The following UBAC2 variants were observed in gnomAD, a reference collection of about 807,000 sequenced individuals.
UBAC2 encodes the protein UBA domain containing 2.
A neutral mutation model predicts 44.0 loss-of-function variants in UBAC2; 26 were observed. The observed-to-expected ratio is 0.59, with a 90% CI of 0.43 to 0.82. The LOEUF is 0.82. Among genes scored for constraint, UBAC2 ranks in the 40% least tolerant of loss-of-function variants. The pLI is 0.00. For missense variants in UBAC2, 329 were observed against 419.4 expected (o/e 0.78, Z 1.88); for synonymous variants, 155 against 154.3 (o/e 1.00, Z -0.04).
At chr13:99,262,890 T>G (rs2043688415) in intron 4 of UBAC2, among the ~76,000 whole-genome samples, 1 of 152,150 alleles carries the variant, frequency 6.6e-6, no homozygotes. Context: ...GGTTGTTGGT[T>G]TAAGACAAGT....
rs184775525 is a variant in UBAC2 at position 99,351,910 on chromosome 13, G to A, written c.807+11345G>A. On this transcript the variant is annotated intron_variant, in intron 7 of 8. Coordinates refer to ENST00000403766, the MANE Select transcript of UBAC2 (RefSeq NM_001144072.2). ...AGGAAAGAAGCTACTGACACCCAGA[G>A]TGGCTCAGCGATACTCACACGTGCT... 4 of 377,736 alleles carry A rather than the reference G, an allele frequency of 1.1e-5. No individual in the cohort carries two copies. In the Admixed American group the frequency reaches 1.3e-4, roughly 13 times the overall value. 23.4% of individuals were successfully genotyped at this position (377,736 alleles called of 1,614,324 possible).
chr13:99,368,747 C>T (rs1340482096), intron 8 of UBAC2, among the ~76,000 whole-genome samples: 2 of 144,588 alleles, frequency 1.4e-5, no homozygotes, highest in Non-Finnish European at 3.0e-5. Context: ...TCACTCTGAC[C>T]GAGAGGGCTC....
chr13:99,370,190 A>G (rs1422140435), intron 8 of UBAC2, among the ~76,000 whole-genome samples: 1 of 152,254 alleles, frequency 6.6e-6, no homozygotes, highest in African/African-American at 2.4e-5. Context: ...ACACTGAAGT[A>G]TGAAGGAAAA....
chr13:99,202,692 G>A (rs2042819148), intron 1 of UBAC2, among the ~76,000 whole-genome samples: 1 of 152,150 alleles, frequency 6.6e-6, no homozygotes, highest in Non-Finnish European at 1.5e-5. Context: ...CCCAGGGAGA[G>A]GCGTAGGTCT....
chr13:99,328,405 A>T (rs1036140124), intron 6 of UBAC2, among the ~76,000 whole-genome samples: 1 of 152,242 alleles, frequency 6.6e-6, no homozygotes, highest in South Asian at 2.1e-4. Flanking sequence ...ATTTGACATT[A>T]GGAAATACTA....
At chr13:99,280,209 A>G (rs1299230950) in intron 4 of UBAC2, among the ~76,000 whole-genome samples, 2 of 152,062 alleles carry the variant, frequency 1.3e-5, no homozygotes, top group Non-Finnish European at 2.9e-5. Flanking sequence ...CTGCTGTTTT[A>G]TAAAGTTTAA....
At chr13:99,307,037 T>C (rs967376322) in intron 4 of UBAC2, among the ~76,000 whole-genome samples, 2 of 152,192 alleles carry the variant, frequency 1.3e-5, no homozygotes, top group Non-Finnish European at 2.9e-5. Context: ...ATTATTTGCA[T>C]AGTTTTGCTT....
In UBAC2 at chr13:99,356,938, G is replaced by A. The variant is rs558368853; in HGVS notation, c.808-10849G>A. Reference sequence around the variant, plus strand: ...GGTTTTCTTTTTTTGGGCTTTGTTTGGTTTTTCCCCAGTTTTGCCACAAAG... The same window carrying A: ...GGTTTTCTTTTTTTGGGCTTTGTTTAGTTTTTCCCCAGTTTTGCCACAAAG... On this transcript the variant is annotated intron_variant, in intron 7 of 8. Transcript: ENST00000403766. Among the ~76,000 whole-genome samples the A allele has an allele frequency of 2.0e-5, 3 of 152,242 alleles. No individual in the cohort carries two copies. The East Asian group carries it at 5.8e-4, about 29-fold the overall frequency.
intron 6 of UBAC2, among the ~76,000 whole-genome samples, chr13:99,328,291 T>C (rs1414825718): frequency 8.5e-5 from 13 of 152,260 alleles, no homozygotes; most frequent in Non-Finnish European, 4.4e-5. Flanking sequence ...CAGGTTTGGA[T>C]TATTATGAAT....
intron 1 of UBAC2, among the ~76,000 whole-genome samples, chr13:99,209,790 A>G (rs989301819): frequency 5.3e-5 from 8 of 152,216 alleles, no homozygotes; most frequent in African/African-American, 1.9e-4. Context: ...CCTGGCCAAC[A>G]TGGTGAAACC....
intron 1 of UBAC2, among the ~76,000 whole-genome samples, chr13:99,212,700 C>G (rs2042948660): frequency 6.6e-6 from 1 of 152,034 alleles, no homozygotes; most frequent in African/African-American, 2.4e-5. Context: ...ATTATACTGC[C>G]CAGATTTGAT....
At chr13:99,322,561 C>T (rs762806096) in intron 6 of UBAC2, among the ~76,000 whole-genome samples, 3 of 152,188 alleles carry the variant, frequency 2.0e-5, no homozygotes, top group Non-Finnish European at 4.4e-5. Context: ...GGCCTATATT[C>T]CTCAGACTTC....
At chr13:99,228,790 G>A (rs1022127039) in intron 1 of UBAC2, among the ~76,000 whole-genome samples, 5 of 152,138 alleles carry the variant, frequency 3.3e-5, no homozygotes. Flanking sequence ...TTTAGATTCC[G>A]TGGAGCCTTG....
At chr13:99,208,668 G>A (rs780802441) in intron 1 of UBAC2, among the ~76,000 whole-genome samples, 2 of 152,160 alleles carry the variant, frequency 1.3e-5, no homozygotes, top group Admixed American at 6.5e-5. Flanking sequence ...CTTCTGGTGC[G>A]TTCGGCTCCT....
chr13:99,362,568 A>T (rs78210037), intron 7 of UBAC2, among the ~76,000 whole-genome samples: 3,212 of 152,326 alleles, frequency 0.021, 114 homozygotes, highest in African/African-American at 0.073. Context: ...GGTATAAAAT[A>T]ACTTGTTTTC....
intron 4 of UBAC2, among the ~76,000 whole-genome samples, chr13:99,248,998 A>G (rs1342923061): frequency 6.6e-6 from 1 of 152,168 alleles, no homozygotes; most frequent in Non-Finnish European, 1.5e-5. Context: ...TCAGTGGGGT[A>G]GGTCACTGAG....
intron 7 of UBAC2, 69 bp from the exon 8 acceptor site, chr13:99,367,718 A>T: frequency 6.2e-7 from 1 of 1,600,918 alleles, no homozygotes; most frequent in South Asian, 1.1e-5. Context: ...ATTGAGAGAA[A>T]GCTCTTCCAA....
Position 99,385,265 on chromosome 13 carries a change from A to T in UBAC2, c.965A>T (p.Asp322Val). ...ATGGAGATGGGATTTTCCAGAGGTG[A>T]TGCTTTGGAAGCCCTGAGAGCTTCA... ...RLMEMGFSRG[D>V]ALEALRASNN... Residue 322 changes from aspartate (D) to valine (V), a missense_variant, in exon 9 of 9, where the codon GAT becomes GTT. By Grantham distance (152) the Asp-to-Val change is radical. Transcript: ENST00000403766. The T allele has an allele frequency of 6.2e-7, 1 of 1,614,142 alleles. No homozygotes were observed. The highest frequency in any genetic ancestry group is 8.5e-7 in the Non-Finnish European group (1 of 1,180,026).
chr13:99,239,173 A>C (rs1376177177), intron 2 of UBAC2, among the ~76,000 whole-genome samples: 2 of 152,208 alleles, frequency 1.3e-5, no homozygotes, highest in African/African-American at 4.8e-5. Context: ...AAGCATAATA[A>C]TCCATTTCTT....
Sources: gnomAD v4.1 joint callset for allele counts (sites outside exome capture counted in the v4.1 genomes callset) on GRCh38, gnomAD v4.1.1 for gene constraint, MANE v1.5 for transcripts, NCBI Gene and HGNC (gene_info 2026-07-23, HGNC 2026-07-21) for gene names.